The following KCNH7 variants were observed in gnomAD, a reference collection of about 807,000 sequenced individuals.
The protein encoded by KCNH7 is potassium voltage-gated channel subfamily H member 7.
A neutral mutation model predicts 120.8 loss-of-function variants in KCNH7; 49 were observed. The observed-to-expected ratio is 0.41, with a 90% CI of 0.32 to 0.51. The LOEUF is 0.51. Among genes scored for constraint, KCNH7 ranks in the 20% least tolerant of loss-of-function variants. KCNH7 has a pLI of 0.38. For synonymous variants in KCNH7, 547 were observed against 516.1 expected (o/e 1.06, Z -0.81); for missense variants, 1,097 against 1,446.6 (o/e 0.76, Z 3.92).
At chr2:162,609,122 C>T (rs974522438) in intron 2 of KCNH7, among the ~76,000 whole-genome samples, 20 of 152,150 alleles carry the variant, frequency 1.3e-4, no homozygotes, top group Non-Finnish European at 2.2e-4. Context: ...TCAAAACAGA[C>T]ATTTCTGCCT....
intron 2 of KCNH7, among the ~76,000 whole-genome samples, chr2:162,711,389 C>CACCTTGATAAAAT (rs1163047735): frequency 6.6e-6 from 1 of 152,226 alleles, no homozygotes; most frequent in Admixed American, 6.5e-5. Context: ...TGACCAGCAA[C>CACCTTGATAAAAT]ACCTTGATAA....
intron 2 of KCNH7, among the ~76,000 whole-genome samples, chr2:162,661,103 C>G (rs908254456): frequency 6.6e-6 from 1 of 152,138 alleles, no homozygotes; most frequent in African/African-American, 2.4e-5. Flanking sequence ...ATGATACATT[C>G]CAATGCAAGA....
At chr2:162,559,679 T>C (rs1009291361) in intron 2 of KCNH7, among the ~76,000 whole-genome samples, 2 of 152,130 alleles carry the variant, frequency 1.3e-5, no homozygotes, top group Non-Finnish European at 2.9e-5. Context: ...GATGTGAATA[T>C]AGAATGTAAC....
intron 2 of KCNH7, among the ~76,000 whole-genome samples, chr2:162,541,383 G>A (rs1692297622): frequency 6.6e-6 from 1 of 152,056 alleles, no homozygotes; most frequent in South Asian, 2.1e-4. Flanking sequence ...AGCAGATGGT[G>A]AGGTAGAAAG....
At chr2:162,495,947 G>A (rs966892245) in intron 6 of KCNH7, among the ~76,000 whole-genome samples, 3 of 152,182 alleles carry the variant, frequency 2.0e-5, no homozygotes, top group Non-Finnish European at 4.4e-5. Flanking sequence ...ATCTGGGCAT[G>A]TCAGCAATCT....
At chr2:162,559,054 CAAAAAAAAA>C (rs780823559) in intron 2 of KCNH7, among the ~76,000 whole-genome samples, 1 of 37,180 alleles carries the variant, frequency 2.7e-5, no homozygotes, top group Non-Finnish European at 5.6e-5. Context: ...GACTCTGCCT[CAAAAAAAAA>C]AAAAAAAAAA....
chr2:162,393,642 T>C (rs1036774879), intron 12 of KCNH7, among the ~76,000 whole-genome samples: 29 of 151,972 alleles, frequency 1.9e-4, no homozygotes, highest in African/African-American at 7.0e-4. Context: ...TGGGGCCAAA[T>C]AAGGTAAAGA....
chr2:162,608,304 T>G (rs1482182104), intron 2 of KCNH7, among the ~76,000 whole-genome samples: 1 of 152,098 alleles, frequency 6.6e-6, no homozygotes, highest in Non-Finnish European at 1.5e-5. Flanking sequence ...TACTTTTAAC[T>G]CCAAACAAAA....
intron 2 of KCNH7, among the ~76,000 whole-genome samples, chr2:162,781,383 G>A (rs550326844): frequency 6.6e-6 from 1 of 151,916 alleles, no homozygotes; most frequent in South Asian, 2.1e-4. Flanking sequence ...AATTCTTCAG[G>A]TTGTTTATTA....
chr2:162,579,162 TCTTA>T (rs1693789078), intron 2 of KCNH7, among the ~76,000 whole-genome samples: 1 of 152,004 alleles, frequency 6.6e-6, no homozygotes, highest in South Asian at 2.1e-4. Context: ...CCAAGGCATC[TCTTA>T]CTTGTATCGA....
At chr2:162,791,384 A>T (rs1347508371) in intron 2 of KCNH7, among the ~76,000 whole-genome samples, 1 of 152,026 alleles carries the variant, frequency 6.6e-6, no homozygotes, top group Non-Finnish European at 1.5e-5. Context: ...CAGTATGGCC[A>T]TTTTTACAAT....
chr2:162,684,380 A>G (rs1685813345), intron 2 of KCNH7, among the ~76,000 whole-genome samples: 1 of 152,184 alleles, frequency 6.6e-6, no homozygotes, highest in Non-Finnish European at 1.5e-5. Context: ...CCTTCTGTAT[A>G]GCAAAACAAA....
intron 2 of KCNH7, among the ~76,000 whole-genome samples, chr2:162,726,500 A>G (rs1408073048): frequency 6.6e-6 from 1 of 151,756 alleles, no homozygotes; most frequent in African/African-American, 2.4e-5. Flanking sequence ...GCTCACTGTA[A>G]CCCCCGCCTC....
At chr2:162,402,424 A>G (rs1436407603) in intron 9 of KCNH7, among the ~76,000 whole-genome samples, 1 of 146,736 alleles carries the variant, frequency 6.8e-6, no homozygotes, top group East Asian at 2.2e-4. Flanking sequence ...TTGTGGCCAA[A>G]TTTAGTTCAA....
intron 2 of KCNH7, among the ~76,000 whole-genome samples, chr2:162,760,262 A>C (rs1688923121): frequency 6.6e-6 from 1 of 152,152 alleles, no homozygotes. Context: ...GTAGAAAAAC[A>C]AAAAACAATA....
intron 9 of KCNH7, among the ~76,000 whole-genome samples, chr2:162,405,539 TA>T (rs1197563727): frequency 6.6e-6 from 1 of 151,970 alleles, no homozygotes; most frequent in Non-Finnish European, 1.5e-5. Flanking sequence ...AAAACTTCTC[TA>T]AAATGTATAT....
chr2:162,511,480 C>CAAAAA (rs34204046), intron 5 of KCNH7, among the ~76,000 whole-genome samples: 2 of 95,978 alleles, frequency 2.1e-5, no homozygotes, highest in African/African-American at 7.6e-5. Flanking sequence ...GTGGACAGGT[C>CAAAAA]AAAAAAAAAA....
chr2:162,551,225 A>G (rs1282922523), intron 2 of KCNH7, among the ~76,000 whole-genome samples: 1 of 152,200 alleles, frequency 6.6e-6, no homozygotes, highest in Non-Finnish European at 1.5e-5. Flanking sequence ...AATGGGCTTA[A>G]AACATTTTTG....
rs555558724 is a variant in KCNH7 at position 162,618,456 on chromosome 2, C to T, written c.308-81376G>A. Among the ~76,000 whole-genome samples the T allele has an allele frequency of 6.1e-3, 920 of 152,054 alleles. 14 individuals carry two copies. The highest frequency in any genetic ancestry group is 0.021 in the African/African-American group (856 of 41,502). On this transcript the variant is annotated intron_variant, in intron 2 of 15. Coordinates refer to ENST00000332142, the MANE Select transcript of KCNH7 (RefSeq NM_033272.4). ...CCATTTAAGAGGACACACATACGTGCTTACATAGAACTTTAATTTAAATGA... is the reference window on the plus strand; with the variant it reads ...CCATTTAAGAGGACACACATACGTGTTTACATAGAACTTTAATTTAAATGA...
Sources: allele counts gnomAD v4.1 joint callset (sites outside exome capture counted in the v4.1 genomes callset), GRCh38; gene constraint gnomAD v4.1.1; transcripts MANE v1.5; gene names NCBI Gene and HGNC (gene_info 2026-07-23, HGNC 2026-07-21).